The following UNC13C variants were observed in gnomAD, a reference collection of about 807,000 sequenced individuals.
The protein encoded by UNC13C is unc-13 homolog C.
In UNC13C, 174 loss-of-function variants were observed where a neutral mutation model predicts 245.4. That is an observed-to-expected ratio of 0.71 (90% CI 0.63 to 0.80). The LOEUF (loss-of-function observed/expected upper bound fraction) is 0.80. UNC13C is among the 30% of genes least tolerant of loss of function. The pLI, the probability that UNC13C is intolerant of heterozygous loss-of-function variation, is 0.00. For missense variants in UNC13C, 2,829 were observed against 2,602.9 expected, an observed-to-expected ratio of 1.09 and a Z score of -1.89; for synonymous variants, 992 against 895.1, an observed-to-expected ratio of 1.11 and a Z score of -1.93.
intron 30 of UNC13C, among the ~76,000 whole-genome samples, chr15:54,616,160 G>T (rs1415111983): frequency 6.6e-6 from 1 of 152,010 alleles, no homozygotes; most frequent in Admixed American, 6.6e-5. Flanking sequence ...TCAGCAAACT[G>T]TAGCCATGGA....
At chr15:54,365,273 T>A (rs1024821782) in intron 17 of UNC13C, among the ~76,000 whole-genome samples, 5 of 152,108 alleles carry the variant, frequency 3.3e-5, no homozygotes, top group African/African-American at 1.2e-4. Flanking sequence ...GGCTAAGTAT[T>A]TTGTATCCAT....
At chr15:53,951,915 T>C in the UNC13C span, among the ~76,000 whole-genome samples, 1 of 152,150 alleles carries the variant, frequency 6.6e-6, no homozygotes, top group African/African-American at 2.4e-5. Flanking sequence ...CAGCTGGTCA[T>C]GAGGATTTTA....
Position 54,475,246 on chromosome 15 carries a change from AT to A in UNC13C, c.4934-19357del, listed in dbSNP as rs1892662408. 4.6e-5 allele frequency among the ~76,000 whole-genome samples: 7 copies of A among 150,938 alleles called. No homozygotes were observed. The South Asian group carries it at 1.5e-3, about 32-fold the overall frequency. ...ATAGTCTTTAATATATTTTGAGTTT[AT>A]TTTTGTGTATAGTGAGAGGGGTATG... On this transcript the variant is annotated intron_variant, in intron 19 of 32. Transcript: ENST00000260323.
At chr15:53,879,977 A>G in the UNC13C span, among the ~76,000 whole-genome samples, 1 of 118,110 alleles carries the variant, frequency 8.5e-6, no homozygotes, top group Non-Finnish European at 2.0e-5. Context: ...GTGTGTATAT[A>G]CATATATATG....
At chr15:54,520,144 G>A (rs534237964) in intron 24 of UNC13C, among the ~76,000 whole-genome samples, 2 of 152,174 alleles carry the variant, frequency 1.3e-5, no homozygotes, top group Admixed American at 1.3e-4. Flanking sequence ...AACACAATGT[G>A]TAGATGATTA....
At position 54,352,149 on chromosome 15, in the gene UNC13C, C is replaced by T. The variant is rs533976981; in HGVS notation, c.4713+13660C>T. Among the ~76,000 whole-genome samples the T allele has an allele frequency of 4.4e-4, 67 of 151,598 alleles. 1 individual carries two copies. In the South Asian group the frequency reaches 7.7e-3, roughly 17 times the overall value. On this transcript the variant is annotated intron_variant, in intron 17 of 32. Coordinates refer to ENST00000260323, the MANE Select transcript of UNC13C (RefSeq NM_001080534.3). ...GGAACTCTAATCCATCTAAAATTCT[C>T]TCTATATGGTTAAGTTTAATGCATT...
intron 18 of UNC13C, among the ~76,000 whole-genome samples, chr15:54,402,472 T>G (rs575418289): frequency 1.3e-5 from 2 of 152,148 alleles, no homozygotes. Flanking sequence ...ATCACAGAGG[T>G]GAAAAAGAGT....
chr15:54,361,744 C>T (rs7342604), intron 17 of UNC13C, among the ~76,000 whole-genome samples: 37,386 of 152,022 alleles, frequency 0.25, 5,210 homozygotes, highest in East Asian at 0.64. Context: ...AACTGCTACC[C>T]TACCTCTCTT....
intron 2 of UNC13C, 55 bp downstream of exon 2, chr15:54,015,941 C>T (rs1895637452): frequency 7.2e-7 from 1 of 1,395,880 alleles, no homozygotes; most frequent in Non-Finnish European, 9.6e-7. Context: ...CATTGGGTAG[C>T]ACTTCTTTAG....
At chr15:54,585,683 G>T (rs1173368716) in intron 30 of UNC13C, among the ~76,000 whole-genome samples, 2 of 152,124 alleles carry the variant, frequency 1.3e-5, no homozygotes, top group Admixed American at 1.3e-4. Flanking sequence ...AGAAGAGAAA[G>T]AACACAGTTT....
intron 2 of UNC13C, among the ~76,000 whole-genome samples, chr15:54,037,831 GT>G (rs1051583479): frequency 1.3e-5 from 2 of 151,354 alleles, no homozygotes; most frequent in Non-Finnish European, 1.5e-5. Flanking sequence ...TTTTCTTTGT[GT>G]ACTATTAATG....
chr15:54,455,670 C>G (rs1488047989), intron 19 of UNC13C, among the ~76,000 whole-genome samples: 1 of 151,230 alleles, frequency 6.6e-6, no homozygotes, highest in African/African-American at 2.4e-5. Context: ...TGAGAATTGT[C>G]TATTCATGAA....
chr15:54,425,777 C>G (rs994194388), intron 19 of UNC13C, among the ~76,000 whole-genome samples: 1 of 151,800 alleles, frequency 6.6e-6, no homozygotes, highest in Non-Finnish European at 1.5e-5. Flanking sequence ...CAAATTATCA[C>G]CAAAGTTAGT....
At chr15:54,072,485 A>G (rs1898375813) in intron 2 of UNC13C, among the ~76,000 whole-genome samples, 1 of 152,154 alleles carries the variant, frequency 6.6e-6, no homozygotes, top group African/African-American at 2.4e-5. Context: ...TGAAGAGGGG[A>G]AAATTGCGCA....
chr15:54,453,367 A>T (rs1395446509), intron 19 of UNC13C, among the ~76,000 whole-genome samples: 4 of 151,986 alleles, frequency 2.6e-5, no homozygotes, highest in Non-Finnish European at 4.4e-5. Context: ...TTGAATCCTG[A>T]TGTTCTCTCT....
rs537547170 is a variant in UNC13C, at chr15:54,279,972, A to G, written c.3819-13923A>G. ...TAAACAGTAAAAATTCTTAGTGTTA[A>G]TGAGAGTACAGAGAAGCAGATAGAA... On this transcript the variant is annotated intron_variant, in intron 10 of 32. Coordinates refer to ENST00000260323, the MANE Select transcript of UNC13C (RefSeq NM_001080534.3). Among the ~76,000 whole-genome samples the G allele has an allele frequency of 1.4e-4, 21 of 152,318 alleles. No homozygotes were observed. The South Asian group carries it at 3.9e-3, about 29-fold the overall frequency.
chr15:54,255,479 A>G (rs2036256190), intron 8 of UNC13C, among the ~76,000 whole-genome samples: 1 of 151,668 alleles, frequency 6.6e-6, no homozygotes. Context: ...GTGCTCTTCC[A>G]CTCGGCATGC....
chr15:54,184,415 C>T (rs948448362), intron 4 of UNC13C, among the ~76,000 whole-genome samples: 3 of 152,160 alleles, frequency 2.0e-5, no homozygotes, highest in African/African-American at 4.8e-5. Context: ...TATCCCTCCC[C>T]GCTTCCCCCA....
At chr15:54,351,100 G>T (rs1227443593) in intron 17 of UNC13C, among the ~76,000 whole-genome samples, 1 of 152,100 alleles carries the variant, frequency 6.6e-6, no homozygotes, top group African/African-American at 2.4e-5. Flanking sequence ...ATTTTAGTAA[G>T]TCAAATTACT....
Sources: allele counts gnomAD v4.1 joint callset (sites outside exome capture counted in the v4.1 genomes callset), GRCh38; gene constraint gnomAD v4.1.1; transcripts MANE v1.5; gene names NCBI Gene and HGNC (gene_info 2026-07-23, HGNC 2026-07-21).